WASL: variants seen among roughly 807,000 people sequenced by gnomAD.
The protein encoded by WASL is WASP like actin nucleation promoting factor, also known as actin nucleation-promoting factor WASL.
Under a neutral mutation model 55.5 loss-of-function variants are expected in WASL, and 20 were observed. That is an observed-to-expected ratio of 0.36 (90% CI 0.25 to 0.52). The LOEUF (loss-of-function observed/expected upper bound fraction) is 0.52. Ranked by LOEUF, WASL falls within the 20% of genes least tolerant of loss-of-function variation. WASL has a pLI of 0.92. For missense variants in WASL, 504 were observed against 622.5 expected, an observed-to-expected ratio of 0.81 and a Z score of 2.03; for synonymous variants, 249 against 217.6, an observed-to-expected ratio of 1.14 and a Z score of -1.27.
intron 1 of WASL, among the ~76,000 whole-genome samples, chr7:123,734,181 TAAAA>T (rs1804188159): frequency 6.6e-6 from 1 of 151,790 alleles, no homozygotes; most frequent in South Asian, 2.1e-4. Context: ...AAGACACTGA[TAAAA>T]GAAAGAAAAG....
intron 1 of WASL, among the ~76,000 whole-genome samples, chr7:123,722,089 AG>A (rs1291664809): frequency 1.3e-5 from 2 of 151,904 alleles, no homozygotes; most frequent in African/African-American, 4.8e-5. Context: ...CTGTTTAATA[AG>A]GTCACCACTA....
Position 123,683,061 on chromosome 7 carries a change from G to C in WASL, c.*1458C>G, listed in dbSNP as rs566855138. On this transcript the variant is annotated 3_prime_UTR_variant, in exon 11 of 11. Coordinates refer to ENST00000223023, the MANE Select transcript of WASL (RefSeq NM_003941.4). ...ACATCTTGCAGGTCCAGCCTGTCAA[G>C]ATCTGCCAATACGAGATTTTGGTTG... The C allele has an allele frequency of 2.0e-5, 3 of 152,208 alleles. No homozygotes were observed. In the East Asian group the frequency reaches 5.8e-4, roughly 29 times the overall value. The allele number at this position is 152,208 out of a possible 1,614,324, so 9.4% of individuals were successfully genotyped here. A position where few individuals can be genotyped will look rare whatever the true frequency, so the allele number is the denominator to read the frequency against.
chr7:123,709,572 G>A (rs58700017), intron 1 of WASL, among the ~76,000 whole-genome samples: 1 of 152,014 alleles, frequency 6.6e-6, no homozygotes, highest in Non-Finnish European at 1.5e-5. Context: ...CACTAAAGGG[G>A]TTAATTTGCC....
intron 8 of WASL, among the ~76,000 whole-genome samples, chr7:123,693,496 T>C (rs537317961): frequency 7.2e-5 from 11 of 152,214 alleles, no homozygotes; most frequent in Non-Finnish European, 7.3e-5. Flanking sequence ...AGGAGGCTGG[T>C]TGCTTTGTTG....
At chr7:123,714,616 C>G (rs969907818) in intron 1 of WASL, among the ~76,000 whole-genome samples, 2 of 152,104 alleles carry the variant, frequency 1.3e-5, no homozygotes, top group Admixed American at 6.6e-5. Flanking sequence ...CATATTTGTT[C>G]ACCAAATGTT....
chr7:123,719,189 G>A (rs560756880), intron 1 of WASL, among the ~76,000 whole-genome samples: 1 of 152,284 alleles, frequency 6.6e-6, no homozygotes, highest in Non-Finnish European at 1.5e-5. Context: ...CATGTGTTCT[G>A]ATCAGCAGTG....
At chr7:123,711,396 T>C (rs1419843087) in intron 1 of WASL, among the ~76,000 whole-genome samples, 1 of 152,176 alleles carries the variant, frequency 6.6e-6, no homozygotes, top group Non-Finnish European at 1.5e-5. Flanking sequence ...ACAGACAGGA[T>C]ACTGCATTAT....
In WASL at chr7:123,696,662, G is replaced by A; in HGVS notation, c.546C>T (p.Ile182=). The A allele has an allele frequency of 6.2e-7, 1 of 1,607,948 alleles. No individual in the cohort carries two copies. Among genetic ancestry groups the A allele is most frequent in the South Asian group, 1.1e-5 (1 of 90,096 alleles). Residue 182 remains isoleucine (I), a synonymous_variant, in exon 6 of 11, where the codon ATC becomes ATT. Coordinates refer to ENST00000223023, the MANE Select transcript of WASL (RefSeq NM_003941.4). ...CCTTCTTCTTTTCTTTGGTATGGGAGATGTTGTTGACTTGTGGACCATAAA... is the reference window on the plus strand; with the variant it reads ...CCTTCTTCTTTTCTTTGGTATGGGAAATGTTGTTGACTTGTGGACCATAAA... ...NRFYGPQVNN[I]SHTKEKKKGK...
chr7:123,728,203 A>T (rs1804082236), intron 1 of WASL, among the ~76,000 whole-genome samples: 1 of 152,200 alleles, frequency 6.6e-6, no homozygotes, highest in Admixed American at 6.5e-5. Flanking sequence ...AAAAACTCAC[A>T]TTTGTTTAAC....
chr7:123,700,405 TG>T (rs1803568477), intron 5 of WASL, among the ~76,000 whole-genome samples: 1 of 151,194 alleles, frequency 6.6e-6, no homozygotes, highest in African/African-American at 2.4e-5. Flanking sequence ...TCTGATATCT[TG>T]GTTCCTAGTC....
At chr7:123,701,358 T>G (rs1803586400) in intron 5 of WASL, among the ~76,000 whole-genome samples, 1 of 152,180 alleles carries the variant, frequency 6.6e-6, no homozygotes. Flanking sequence ...ATTTTAAATC[T>G]AAAAGAACTC....
chr7:123,744,136 A>G (rs183918012), intron 1 of WASL, among the ~76,000 whole-genome samples: 1 of 152,318 alleles, frequency 6.6e-6, no homozygotes, highest in African/African-American at 2.4e-5. Flanking sequence ...CTGTATGCCT[A>G]TGTAAGAATC....
At chr7:123,708,992 T>G (rs954845691) in intron 2 of WASL, 97 bp downstream of exon 2, 287 of 1,158,140 alleles carry the variant, frequency 2.5e-4, no homozygotes, top group Non-Finnish European at 2.6e-4. Flanking sequence ...TGTATAAATT[T>G]AAATATCACA....
intron 6 of WASL, 94 bp downstream of exon 6, chr7:123,696,485 G>A (rs1803494512): frequency 8.6e-6 from 11 of 1,277,248 alleles, no homozygotes; most frequent in East Asian, 2.8e-5. Context: ...ACACCCTCCC[G>A]AAAAGAGAAG....
chr7:123,692,450 T>G lies in WASL; in HGVS notation c.1244A>C (p.Glu415Ala), dbSNP rs773324846. 1.2e-6 allele frequency: 2 copies of G among 1,614,024 alleles called. No individual in the cohort carries two copies. The highest frequency in any genetic ancestry group is 2.7e-5 in the African/African-American group (2 of 74,924). ...CTCCACTTTTTTTAGCTGAGCACCC[T>G]CTCTAATTTGATCTAAAAGAGCTGC... ...NKAALLDQIR[E>A]GAQLKKVEQN... is the part of the protein sequence containing the mutation. Residue 415 changes from glutamate (E) to alanine (A), a missense_variant, in exon 9 of 11, where the codon GAG (glutamate) becomes GCG (alanine). Coordinates refer to ENST00000223023, the MANE Select transcript of WASL (RefSeq NM_003941.4).
intron 1 of WASL, among the ~76,000 whole-genome samples, chr7:123,726,769 A>C: frequency 6.6e-6 from 1 of 152,094 alleles, no homozygotes; most frequent in East Asian, 1.9e-4. Flanking sequence ...AGGAGGTTGA[A>C]GCAAGAGAAT....
chr7:123,696,797 A>G, intron 5 of WASL, 50 bp from the exon 6 acceptor site: 1 of 1,194,586 alleles, frequency 8.4e-7, no homozygotes, highest in Non-Finnish European at 1.1e-6. Flanking sequence ...AAGATAACTG[A>G]TATACAATCA....
intron 8 of WASL, among the ~76,000 whole-genome samples, chr7:123,693,509 A>AT (rs1562957693): frequency 3.9e-5 from 6 of 152,252 alleles, no homozygotes; most frequent in Non-Finnish European, 8.8e-5. Flanking sequence ...CTTTGTTGAA[A>AT]TGCTCAATTA....
intron 1 of WASL, among the ~76,000 whole-genome samples, chr7:123,727,468 A>C (rs1160956922): frequency 6.6e-6 from 1 of 152,146 alleles, no homozygotes; most frequent in Non-Finnish European, 1.5e-5. Context: ...ACAGACAAAC[A>C]AATTGTGGTA....
Sources: allele counts gnomAD v4.1 joint callset (sites outside exome capture counted in the v4.1 genomes callset), GRCh38; gene constraint gnomAD v4.1.1; transcripts MANE v1.5; gene names NCBI Gene and HGNC (gene_info 2026-07-23, HGNC 2026-07-21).